Variants in VWA3B observed in about 807,000 individuals in gnomAD.
The protein encoded by VWA3B is von Willebrand factor A domain-containing protein 3B.
Under a neutral mutation model 158.3 loss-of-function variants are expected in VWA3B, and 138 were observed. The ratio of observed to expected loss-of-function variants is 0.87; its 90% CI spans 0.76 to 1.00. The LOEUF (loss-of-function observed/expected upper bound fraction) is 1.00, where lower values mean the gene tolerates loss of function less well. Among genes scored for constraint, VWA3B ranks in the 50% least tolerant of loss-of-function variants. The pLI is 0.00. For missense variants in VWA3B, 1,555 were observed against 1,565.1 expected (o/e 0.99, Z 0.11); for synonymous variants, 596 against 587.3 (o/e 1.01, Z -0.21).
rs1270824817 is a variant in VWA3B at position 98,299,956 on chromosome 2, AT to A, written c.3283-122del. The A allele has an allele frequency of 3.9e-6, 5 of 1,289,826 alleles. No homozygotes were observed. The African/African-American group carries it at 4.5e-5, about 12-fold the overall frequency. The allele number at this position is 1,289,826 out of a possible 1,614,324, so 79.9% of individuals were successfully genotyped here. On this transcript the variant is annotated intron_variant, in intron 24 of 27. Transcript: ENST00000477737. Reference sequence around the variant, plus strand: ...AACTCTTTCTTAACTGAGAAAAAAAATATCTATTTGAATTTTAGCATCAGTA... The same window carrying A: ...AACTCTTTCTTAACTGAGAAAAAAAAATCTATTTGAATTTTAGCATCAGTA...
intron 2 of VWA3B, among the ~76,000 whole-genome samples, chr2:98,112,160 G>T (rs1241433174): frequency 6.6e-6 from 1 of 152,018 alleles, no homozygotes; most frequent in Non-Finnish European, 1.5e-5. Flanking sequence ...GTCATTTATT[G>T]AATAGGGAGT....
intron 21 of VWA3B, among the ~76,000 whole-genome samples, chr2:98,262,905 A>G (rs1687572726): frequency 6.6e-6 from 1 of 151,908 alleles, no homozygotes; most frequent in African/African-American, 2.4e-5. Context: ...AAGTCTTTCA[A>G]TCCATGAACA....
At chr2:98,136,678 C>G (rs916677204) in intron 7 of VWA3B, among the ~76,000 whole-genome samples, 4 of 151,904 alleles carry the variant, frequency 2.6e-5, no homozygotes, top group Non-Finnish European at 5.9e-5. Flanking sequence ...CAGGAGGACT[C>G]CATCCTCATG....
At chr2:98,259,612 GTAAT>G (rs1229496761) in intron 21 of VWA3B, among the ~76,000 whole-genome samples, 3 of 151,640 alleles carry the variant, frequency 2.0e-5, no homozygotes, top group Non-Finnish European at 4.4e-5. Context: ...TCTGATAGTA[GTAAT>G]TATGTGTTTT....
chr2:98,281,452 A>G (rs1446508791), intron 22 of VWA3B, among the ~76,000 whole-genome samples: 1 of 152,202 alleles, frequency 6.6e-6, no homozygotes, highest in African/African-American at 2.4e-5. Context: ...TGTTACGACA[A>G]TTAGGGGATT....
At chr2:98,099,782 A>G (rs1231376345) in intron 2 of VWA3B, among the ~76,000 whole-genome samples, 1 of 151,248 alleles carries the variant, frequency 6.6e-6, no homozygotes, top group East Asian at 1.9e-4. Context: ...TGCTCTGTAT[A>G]TTTTCAAAAT....
chr2:98,131,829 A>C (rs1012566066), intron 6 of VWA3B, among the ~76,000 whole-genome samples: 2 of 152,160 alleles, frequency 1.3e-5, no homozygotes, highest in Non-Finnish European at 2.9e-5. Flanking sequence ...TGAGATGCAA[A>C]TTTTATAGCC....
chr2:98,090,172 A>T (rs990514783), intron 1 of VWA3B, among the ~76,000 whole-genome samples: 2 of 152,236 alleles, frequency 1.3e-5, no homozygotes, highest in Non-Finnish European at 2.9e-5. Context: ...TGTTTCTTGG[A>T]ACAACTGACC....
rs925370439 is a variant in VWA3B at position 98,281,787 on chromosome 2, A to G, written c.3046-8724A>G. The stretch of plus-strand genomic sequence containing the variant: ...ATTGGATTATCTGAATTTTGTAGAC[A>G]AGGCTAAATCAAATTACTTAGCACA... On this transcript the variant is annotated intron_variant, in intron 22 of 27. Coordinates refer to ENST00000477737, the MANE Select transcript of VWA3B (RefSeq NM_144992.5). Among the ~76,000 whole-genome samples the G allele has an allele frequency of 2.0e-5, 3 of 152,274 alleles. No individual in the cohort carries two copies. In the South Asian group the frequency reaches 6.2e-4, roughly 32 times the overall value.
chr2:98,315,433 G>A (rs116297499), downstream of VWA3B, among the ~76,000 whole-genome samples: 1,087 of 152,294 alleles, frequency 7.1e-3, 10 homozygotes, highest in African/African-American at 0.025. Flanking sequence ...GGGATGGAGT[G>A]ATTGAAAACC....
chr2:98,105,842 T>G (rs2104877585), intron 2 of VWA3B, among the ~76,000 whole-genome samples: 1 of 152,292 alleles, frequency 6.6e-6, no homozygotes, highest in Admixed American at 6.5e-5. Flanking sequence ...TGAATTGCTT[T>G]TGGATTTTTG....
intron 9 of VWA3B, among the ~76,000 whole-genome samples, chr2:98,182,188 C>T (rs1322169193): frequency 2.0e-5 from 3 of 152,218 alleles, no homozygotes; most frequent in Admixed American, 2.0e-4. Context: ...CAAGGCCCCC[C>T]CCTCAAATGC....
intron 19 of VWA3B, among the ~76,000 whole-genome samples, chr2:98,243,458 C>T (rs979646823): frequency 6.6e-6 from 1 of 151,906 alleles, no homozygotes; most frequent in Non-Finnish European, 1.5e-5. Flanking sequence ...CTCAGCCTCC[C>T]GAGTAGCTGT....
chr2:98,163,827 T>C (rs1457726325), intron 8 of VWA3B, among the ~76,000 whole-genome samples: 1 of 151,998 alleles, frequency 6.6e-6, no homozygotes, highest in Non-Finnish European at 1.5e-5. Flanking sequence ...AGGATGTGGA[T>C]CAGATAGCAA....
At chr2:98,143,951 C>T (rs988002109) in intron 7 of VWA3B, among the ~76,000 whole-genome samples, 1 of 151,836 alleles carries the variant, frequency 6.6e-6, no homozygotes, top group Non-Finnish European at 1.5e-5. Context: ...ACTGGGGTCA[C>T]TATGTTGTCC....
At chr2:98,224,262 C>G (rs1684741095) in intron 14 of VWA3B, among the ~76,000 whole-genome samples, 1 of 151,816 alleles carries the variant, frequency 6.6e-6, no homozygotes, top group African/African-American at 2.4e-5. Flanking sequence ...ATTGGAGCAC[C>G]AGAAAGAAAA....
At chr2:98,088,889 G>T (rs972058465) in intron 1 of VWA3B, among the ~76,000 whole-genome samples, 1 of 152,028 alleles carries the variant, frequency 6.6e-6, no homozygotes, top group Non-Finnish European at 1.5e-5. Flanking sequence ...TAGTAGCTGG[G>T]ATTACACGTG....
At chr2:98,277,494 C>G (rs1379023787) in intron 22 of VWA3B, among the ~76,000 whole-genome samples, 1 of 152,226 alleles carries the variant, frequency 6.6e-6, no homozygotes, top group Non-Finnish European at 1.5e-5. Flanking sequence ...AAAAGGCTCT[C>G]TCACCCATAA....
chr2:98,133,771 A>C (rs1393080663), intron 6 of VWA3B, 53 bp from the exon 7 acceptor site: 8 of 1,501,896 alleles, frequency 5.3e-6, no homozygotes, highest in Non-Finnish European at 7.4e-6. Flanking sequence ...AGGAACAAGC[A>C]TGCACGGACA....
Sources: gnomAD v4.1 joint callset for allele counts (sites outside exome capture counted in the v4.1 genomes callset) on GRCh38, gnomAD v4.1.1 for gene constraint, MANE v1.5 for transcripts, NCBI Gene and HGNC (gene_info 2026-07-23, HGNC 2026-07-21) for gene names.